PDE4D: variants seen among roughly 807,000 people sequenced by gnomAD.
PDE4D encodes the protein 3',5'-cyclic-AMP phosphodiesterase 4D.
A neutral mutation model predicts 87.4 loss-of-function variants in PDE4D; 24 were observed. The observed-to-expected ratio is 0.27, with a 90% CI of 0.20 to 0.39. PDE4D has a LOEUF of 0.39. Among genes scored for constraint, PDE4D ranks in the 10% least tolerant of loss-of-function variants. PDE4D has a pLI of 1.00. For synonymous variants in PDE4D, 384 were observed against 383.2 expected, an observed-to-expected ratio of 1.00 and a Z score of -0.02; for missense variants, 714 against 1,041.0, an observed-to-expected ratio of 0.69 and a Z score of 4.32.
chr5:60,162,842 C>T (rs1033809734), intron 2 of PDE4D, among the ~76,000 whole-genome samples: 5 of 152,050 alleles, frequency 3.3e-5, no homozygotes, highest in African/African-American at 1.2e-4. Flanking sequence ...CAACACTTGG[C>T]ACCCCTTCTA....
chr5:60,060,737 T>C (rs1283762898), intron 2 of PDE4D, among the ~76,000 whole-genome samples: 1 of 152,058 alleles, frequency 6.6e-6, no homozygotes, highest in Non-Finnish European at 1.5e-5. Context: ...AAGCTGGATA[T>C]GTCAGCCTCT....
chr5:59,463,305 A>G (rs553324651), intron 1 of PDE4D, among the ~76,000 whole-genome samples: 8 of 152,320 alleles, frequency 5.3e-5, no homozygotes, highest in African/African-American at 1.9e-4. Flanking sequence ...ATCTTTACTG[A>G]TTATAGTAAC....
intron 1 of PDE4D, among the ~76,000 whole-genome samples, chr5:60,279,623 C>T (rs1003924102): frequency 7.3e-5 from 11 of 150,750 alleles, no homozygotes; most frequent in Non-Finnish European, 1.5e-4. Flanking sequence ...AGAAAGCATG[C>T]TTTTGTTAAG....
intron 2 of PDE4D, among the ~76,000 whole-genome samples, chr5:60,065,705 C>A (rs536256906): frequency 3.9e-5 from 6 of 151,932 alleles, no homozygotes; most frequent in Admixed American, 6.6e-5. Flanking sequence ...TTTGTCCTTG[C>A]GATAGCTTGC....
At chr5:60,136,688 C>A (rs574308419) in intron 2 of PDE4D, among the ~76,000 whole-genome samples, 1 of 152,250 alleles carries the variant, frequency 6.6e-6, no homozygotes, top group East Asian at 1.9e-4. Context: ...CACCCAATAT[C>A]CATTCTTTTC....
chr5:59,406,208 A>G (rs1791584055), intron 1 of PDE4D, among the ~76,000 whole-genome samples: 1 of 151,964 alleles, frequency 6.6e-6, no homozygotes, highest in Admixed American at 6.6e-5. Flanking sequence ...TCTTGATGGT[A>G]TTGGTCTGTT....
intron 1 of PDE4D, among the ~76,000 whole-genome samples, chr5:59,604,496 G>A (rs150247934): frequency 9.9e-5 from 15 of 152,082 alleles, no homozygotes; most frequent in African/African-American, 2.6e-4. Context: ...TTAATGCAAC[G>A]TAAGCTGGGA....
intron 1 of PDE4D, among the ~76,000 whole-genome samples, chr5:60,312,525 G>T (rs1193957411): frequency 6.6e-6 from 1 of 152,190 alleles, no homozygotes; most frequent in African/African-American, 2.4e-5. Flanking sequence ...GCAAAGGAAA[G>T]GCAGGCACCT....
chr5:59,920,705 T>A (rs1461634463), intron 3 of PDE4D, among the ~76,000 whole-genome samples: 1 of 152,102 alleles, frequency 6.6e-6, no homozygotes, highest in Non-Finnish European at 1.5e-5. Context: ...GATAATAACT[T>A]TGTAGGGACA....
chr5:59,888,575 T>A (rs982253396), intron 1 of PDE4D, among the ~76,000 whole-genome samples: 1 of 152,210 alleles, frequency 6.6e-6, no homozygotes, highest in African/African-American at 2.4e-5. Flanking sequence ...GCTATTTAAA[T>A]ATCCTTAGTG....
chr5:59,315,254 AC>A (rs1773480139), intron 1 of PDE4D, among the ~76,000 whole-genome samples: 1 of 151,952 alleles, frequency 6.6e-6, no homozygotes, highest in South Asian at 2.1e-4. Flanking sequence ...AGGAATATCT[AC>A]CTCCCTACCC....
intron 1 of PDE4D, among the ~76,000 whole-genome samples, chr5:60,316,319 T>G (rs974392111): frequency 2.0e-5 from 3 of 152,312 alleles, no homozygotes; most frequent in Admixed American, 1.3e-4. Flanking sequence ...TGCTTGTGAT[T>G]TTTGCACATT....
chr5:59,254,126 A>G (rs965357368), intron 1 of PDE4D, among the ~76,000 whole-genome samples: 6 of 152,108 alleles, frequency 3.9e-5, no homozygotes, highest in African/African-American at 1.4e-4. Context: ...CATGATGGAA[A>G]CTGTGCGGAA....
intron 6 of PDE4D, among the ~76,000 whole-genome samples, chr5:59,035,921 T>C (rs1044166255): frequency 3.9e-5 from 6 of 152,222 alleles, no homozygotes; most frequent in Admixed American, 3.9e-4. Flanking sequence ...CTTACCCTAC[T>C]TGGTACAAGC....
At position 59,441,121 on chromosome 5, in the gene PDE4D, G is replaced by T. The variant is rs73097323; in HGVS notation, c.456-225153C>A. ...TCTTATTTATTTATTTAGAAGCAGG[G>T]TCTCACTCTGTCACCCAGGCAGAAG... On this transcript the variant is annotated intron_variant, in intron 1 of 14. Coordinates refer to ENST00000340635, the MANE Select transcript of PDE4D (RefSeq NM_001104631.2). Among the ~76,000 whole-genome samples the T allele has an allele frequency of 7.9e-3, 1,207 of 152,188 alleles. 16 individuals are homozygous for T. Among genetic ancestry groups the T allele is most frequent in the African/African-American group, 0.028 (1,161 of 41,530 alleles).
At position 59,202,083 on chromosome 5, in the gene PDE4D, G is replaced by A. The variant is rs1023526814; in HGVS notation, c.648-8547C>T. On this transcript the variant is annotated intron_variant, in intron 2 of 14. Coordinates refer to ENST00000340635, the MANE Select transcript of PDE4D (RefSeq NM_001104631.2). ...AGATGGAGTCTCACTCTGTCGCCCA[G>A]GCTGGAATGCAGTGGCTGCAATCTC... Among the ~76,000 whole-genome samples the A allele has an allele frequency of 2.5e-5, 3 of 119,272 alleles. No homozygotes were observed. The Admixed American group carries it at 3.5e-4, about 14-fold the overall frequency. 78.2% of individuals were successfully genotyped at this position (119,272 alleles called of 152,430 possible). A position where few individuals can be genotyped will look rare whatever the true frequency, so the allele number is the denominator to read the frequency against.
At chr5:59,383,374 C>T (rs1202430126) in intron 1 of PDE4D, among the ~76,000 whole-genome samples, 5 of 152,090 alleles carry the variant, frequency 3.3e-5, no homozygotes, top group Non-Finnish European at 5.9e-5. Context: ...CATTTGCCCA[C>T]GAATCTATCC....
intron 1 of PDE4D, among the ~76,000 whole-genome samples, chr5:59,336,808 C>A (rs1397739160): frequency 2.0e-5 from 3 of 152,156 alleles, no homozygotes; most frequent in Non-Finnish European, 2.9e-5. Flanking sequence ...TTCCAAGACC[C>A]AGCCTTAGTA....
chr5:59,897,249 ACAAT>A (rs1459769216), upstream of PDE4D, among the ~76,000 whole-genome samples: 4 of 152,336 alleles, frequency 2.6e-5, no homozygotes, highest in East Asian at 5.8e-4. Context: ...TCCAAAAGAT[ACAAT>A]CAATCACTCA....
Sources: gnomAD v4.1 joint callset for allele counts (sites outside exome capture counted in the v4.1 genomes callset) on GRCh38, gnomAD v4.1.1 for gene constraint, MANE v1.5 for transcripts, NCBI Gene and HGNC (gene_info 2026-07-23, HGNC 2026-07-21) for gene names.